Variants in PDE3B observed in about 807,000 individuals in gnomAD.
The protein encoded by PDE3B is phosphodiesterase 3B, also known as cGMP-inhibited 3',5'-cyclic phosphodiesterase 3B.
PDE3B carries 66 observed loss-of-function variants against 116.8 expected under a neutral mutation model. That is an observed-to-expected ratio of 0.56 (90% CI 0.46 to 0.69). The LOEUF (loss-of-function observed/expected upper bound fraction) is 0.69, where lower values mean the gene tolerates loss of function less well. PDE3B is among the 30% of genes least tolerant of loss of function. The pLI is 0.00. For synonymous variants in PDE3B, 595 were observed against 533.6 expected (o/e 1.12, Z -1.59); for missense variants, 1,384 against 1,368.1 (o/e 1.01, Z -0.18).
chr11:14,649,845 T>TA lies in PDE3B; in HGVS notation c.978+4795dup, dbSNP rs148192430. Among the ~76,000 whole-genome samples, 732 of 152,294 alleles carry TA rather than the reference T, an allele frequency of 4.8e-3. 7 individuals carry two copies. Among genetic ancestry groups the TA allele is most frequent in the African/African-American group, 0.017 (715 of 41,568 alleles). ...TGAACTGACTATTGCCTGCTTCGCT[T>TA]AAAGGCATTCAGTTTAAACAAAAGA... On this transcript the variant is annotated intron_variant, in intron 1 of 15. Transcript: ENST00000282096.
chr11:14,725,412 T>C (rs963588409), intron 1 of PDE3B, among the ~76,000 whole-genome samples: 1 of 148,752 alleles, frequency 6.7e-6, no homozygotes, highest in African/African-American at 2.5e-5. Flanking sequence ...TCTTTCTCTT[T>C]TTCTTTTCCC....
the PDE3B span, chr11:14,890,770 G>A: frequency 1.2e-5 from 8 of 668,412 alleles, no homozygotes; most frequent in Non-Finnish European, 1.3e-5. Context: ...CGACGGTCTC[G>A]ATCTCCTGAT....
At chr11:14,827,574 AAAAG>A (rs1375283088) in intron 7 of PDE3B, among the ~76,000 whole-genome samples, 5 of 152,178 alleles carry the variant, frequency 3.3e-5, no homozygotes, top group African/African-American at 1.2e-4. Context: ...AATTGCCACA[AAAAG>A]AATAAAATAC....
intron 1 of PDE3B, among the ~76,000 whole-genome samples, chr11:14,666,445 A>G (rs1342152010): frequency 6.6e-6 from 1 of 150,806 alleles, no homozygotes; most frequent in Non-Finnish European, 1.5e-5. Flanking sequence ...GATCTAATTA[A>G]ACTCAAGAGC....
chr11:14,721,638 A>C (rs1856088409), intron 1 of PDE3B, among the ~76,000 whole-genome samples: 1 of 144,334 alleles, frequency 6.9e-6, no homozygotes, highest in Non-Finnish European at 1.5e-5. Context: ...CATGGATGAA[A>C]TTGGAAACCA....
At chr11:14,705,662 G>A (rs1370141211) in intron 1 of PDE3B, among the ~76,000 whole-genome samples, 1 of 151,780 alleles carries the variant, frequency 6.6e-6, no homozygotes, top group Non-Finnish European at 1.5e-5. Context: ...AAGGAACTTA[G>A]GAACACTAAG....
the PDE3B span, among the ~76,000 whole-genome samples, chr11:14,884,895 T>C: frequency 6.6e-6 from 1 of 152,098 alleles, no homozygotes; most frequent in Non-Finnish European, 1.5e-5. Flanking sequence ...TAATTGTGGC[T>C]GCTTCTTTGG....
intron 11 of PDE3B, among the ~76,000 whole-genome samples, chr11:14,839,571 A>C (rs1479842520): frequency 6.6e-6 from 1 of 152,152 alleles, no homozygotes; most frequent in Non-Finnish European, 1.5e-5. Context: ...AGTTAACCTA[A>C]CTTGTGATAT....
At position 14,743,030 on chromosome 11, in the gene PDE3B, G is replaced by C. The variant is rs142421215; in HGVS notation, c.979-28907G>C. ...CCTGCTGAGAGATTTCTCCGAGTCA[G>C]GAGGCACGGGGGTCAGGGACCCACT... On this transcript the variant is annotated intron_variant, in intron 1 of 15. Coordinates refer to ENST00000282096, the MANE Select transcript of PDE3B (RefSeq NM_000922.4). Among the ~76,000 whole-genome samples, 719 of 152,324 alleles carry C rather than the reference G, an allele frequency of 4.7e-3. 12 individuals are homozygous for C. The highest frequency in any genetic ancestry group is 3.7e-3 in the Non-Finnish European group (252 of 68,040).
intron 4 of PDE3B, among the ~76,000 whole-genome samples, chr11:14,801,468 A>G (rs921073970): frequency 6.6e-6 from 1 of 152,370 alleles, no homozygotes; most frequent in Admixed American, 6.5e-5. Context: ...GAGAGGCTGC[A>G]GAGCAGCAAT....
chr11:14,828,971 T>C (rs1258960615), intron 7 of PDE3B, among the ~76,000 whole-genome samples: 2 of 152,188 alleles, frequency 1.3e-5, no homozygotes, highest in East Asian at 3.8e-4. Context: ...CATGGAATAC[T>C]ATGCAGCCAT....
intron 1 of PDE3B, among the ~76,000 whole-genome samples, chr11:14,767,237 C>G (rs934065334): frequency 2.6e-5 from 4 of 151,476 alleles, no homozygotes; most frequent in African/African-American, 9.7e-5. Flanking sequence ...TCCATAGCTT[C>G]ATGTCATTAT....
intron 1 of PDE3B, among the ~76,000 whole-genome samples, chr11:14,667,202 C>G (rs1854187642): frequency 6.7e-6 from 1 of 150,120 alleles, no homozygotes; most frequent in African/African-American, 2.5e-5. Context: ...CCAAACACCA[C>G]ATATTCTCAC....
chr11:14,713,625 C>G (rs1388280656), intron 1 of PDE3B, among the ~76,000 whole-genome samples: 1 of 152,046 alleles, frequency 6.6e-6, no homozygotes, highest in Admixed American at 6.5e-5. Context: ...CCAACTTGCT[C>G]CCACAACTCT....
chr11:14,819,731 G>A (rs184652736), intron 7 of PDE3B, among the ~76,000 whole-genome samples: 6 of 152,122 alleles, frequency 3.9e-5, no homozygotes, highest in African/African-American at 1.4e-4. Flanking sequence ...TAGAAAAGGT[G>A]GATGAATTAT....
the PDE3B span, chr11:14,879,360 C>T: frequency 6.2e-7 from 1 of 1,611,634 alleles, no homozygotes; most frequent in Non-Finnish European, 8.5e-7. Context: ...AAAACTGCCT[C>T]AGTATAAGGC....
intron 2 of PDE3B, among the ~76,000 whole-genome samples, chr11:14,779,781 T>G (rs1322812432): frequency 6.6e-6 from 1 of 152,150 alleles, no homozygotes; most frequent in Admixed American, 6.5e-5. Flanking sequence ...AATAACCAGC[T>G]AACATCATAA....
chr11:14,867,756 C>T lies in PDE3B; in HGVS notation c.3137C>T (p.Pro1046Leu). 6.2e-7 allele frequency: 1 copy of T among 1,600,400 alleles called. No homozygotes were observed. Among genetic ancestry groups the T allele is most frequent in the Non-Finnish European group, 8.6e-7 (1 of 1,167,964 alleles). ...EDEEMENNLN[P>L]KPPRRKSRRR... ...GAAGAAATGGAAAACAATCTAAATC[C>T]AAGTAAGAATATAGGGACATTATAA... The change falls in exon 15 of 16, where the codon CCA (proline) becomes CTA (leucine). Residue 1046 changes from proline (P) to leucine (L), a missense_variant and splice_region_variant. Pro to Leu is a moderately conservative substitution (Grantham distance 98, BLOSUM62 -3). Coordinates refer to ENST00000282096, the MANE Select transcript of PDE3B (RefSeq NM_000922.4).
intron 1 of PDE3B, among the ~76,000 whole-genome samples, chr11:14,665,392 C>T (rs532366224): frequency 3.5e-4 from 54 of 152,202 alleles, no homozygotes; most frequent in Non-Finnish European, 5.4e-4. Flanking sequence ...ACTCCTATTC[C>T]ACATACTGTT....
Sources: gnomAD v4.1 joint callset for allele counts (sites outside exome capture counted in the v4.1 genomes callset) on GRCh38, gnomAD v4.1.1 for gene constraint, MANE v1.5 for transcripts, NCBI Gene and HGNC (gene_info 2026-07-23, HGNC 2026-07-21) for gene names.